The following NCKAP5 variants were observed in gnomAD, a reference collection of about 807,000 sequenced individuals.
The protein encoded by NCKAP5 is NCK associated protein 5.
In NCKAP5, 92 loss-of-function variants were observed where a neutral mutation model predicts 167.0. The observed-to-expected ratio is 0.55, with a 90% CI of 0.47 to 0.66. NCKAP5 has a LOEUF of 0.66. Among genes scored for constraint, NCKAP5 ranks in the 30% least tolerant of loss-of-function variants. NCKAP5 has a pLI of 0.00. For missense variants in NCKAP5, 2,378 were observed against 2,315.0 expected, an observed-to-expected ratio of 1.03 and a Z score of -0.56; for synonymous variants, 891 against 877.4, an observed-to-expected ratio of 1.02 and a Z score of -0.27.
intron 6 of NCKAP5, among the ~76,000 whole-genome samples, chr2:133,013,587 T>C (rs113597613): frequency 0.052 from 7,888 of 152,172 alleles, 620 homozygotes; most frequent in African/African-American, 0.17. Context: ...CAATGACCTC[T>C]TACTGGGTTC....
At chr2:133,449,099 G>C (rs1051313340) in intron 3 of NCKAP5, among the ~76,000 whole-genome samples, 5 of 152,084 alleles carry the variant, frequency 3.3e-5, no homozygotes, top group African/African-American at 1.2e-4. Context: ...TTATCATATT[G>C]TATAAAATAA....
At chr2:133,592,070 A>G in the NCKAP5 span, among the ~76,000 whole-genome samples, 1 of 152,084 alleles carries the variant, frequency 6.6e-6, no homozygotes, top group East Asian at 1.9e-4. Context: ...ACACACACAC[A>G]CACACACACA....
intron 3 of NCKAP5, among the ~76,000 whole-genome samples, chr2:133,382,087 T>C (rs898275352): frequency 1.3e-5 from 2 of 152,236 alleles, no homozygotes; most frequent in Non-Finnish European, 2.9e-5. Flanking sequence ...CCTCGTCTGA[T>C]AGTTGTCTTT....
At chr2:133,171,447 C>T (rs540464018) in intron 5 of NCKAP5, among the ~76,000 whole-genome samples, 59 of 152,218 alleles carry the variant, frequency 3.9e-4, no homozygotes, top group Middle Eastern at 3.4e-3. Context: ...CCATTGGCCT[C>T]CGGTGGTGGT....
At chr2:133,190,397 C>T (rs2085159267) in intron 5 of NCKAP5, among the ~76,000 whole-genome samples, 1 of 152,200 alleles carries the variant, frequency 6.6e-6, no homozygotes, top group Admixed American at 6.5e-5. Context: ...CTACCAATAA[C>T]TTTCTTCACA....
At chr2:133,256,957 C>T (rs2088648243) in intron 4 of NCKAP5, among the ~76,000 whole-genome samples, 1 of 152,170 alleles carries the variant, frequency 6.6e-6, no homozygotes, top group South Asian at 2.1e-4. Flanking sequence ...TCCCTACTTA[C>T]CCTCTACAGA....
At chr2:133,203,746 CA>C (rs1022861577) in intron 5 of NCKAP5, among the ~76,000 whole-genome samples, 3 of 151,982 alleles carry the variant, frequency 2.0e-5, no homozygotes, top group African/African-American at 4.8e-5. Flanking sequence ...GAGTGCTATA[CA>C]AAAAGAATAC....
chr2:132,845,796 T>A (rs1688618774), intron 11 of NCKAP5, among the ~76,000 whole-genome samples: 1 of 152,198 alleles, frequency 6.6e-6, no homozygotes, highest in Admixed American at 6.5e-5. Context: ...TATTTTACAA[T>A]CAGCTTGACA....
chr2:133,335,137 G>A (rs901168192), intron 3 of NCKAP5, among the ~76,000 whole-genome samples: 1 of 152,062 alleles, frequency 6.6e-6, no homozygotes, highest in Non-Finnish European at 1.5e-5. Flanking sequence ...TAGACACGGA[G>A]CAGTAAAATA....
chr2:133,525,273 G>A (rs1479723987), intron 2 of NCKAP5, among the ~76,000 whole-genome samples: 1 of 152,210 alleles, frequency 6.6e-6, no homozygotes, highest in Non-Finnish European at 1.5e-5. Flanking sequence ...TCTGCATGAT[G>A]TTGAAAACTG....
intron 6 of NCKAP5, among the ~76,000 whole-genome samples, chr2:133,097,267 G>A (rs746298564): frequency 3.3e-5 from 5 of 152,110 alleles, no homozygotes; most frequent in Non-Finnish European, 5.9e-5. Context: ...ATCTACTTCT[G>A]GATGCTAAAG....
intron 6 of NCKAP5, among the ~76,000 whole-genome samples, chr2:133,086,303 A>T (rs930464926): frequency 6.6e-6 from 1 of 152,190 alleles, no homozygotes; most frequent in African/African-American, 2.4e-5. Flanking sequence ...TCTGATGCCC[A>T]GCTCTATTCC....
At chr2:132,701,562 C>T (rs949452518) in intron 19 of NCKAP5, among the ~76,000 whole-genome samples, 3 of 152,090 alleles carry the variant, frequency 2.0e-5, no homozygotes, top group South Asian at 4.1e-4. Flanking sequence ...GTCCCTTTTC[C>T]TCTTGTTAAG....
Position 132,716,872 on chromosome 2 carries a change from G to A in NCKAP5, c.5713+8755C>T, listed in dbSNP as rs116812835. Among the ~76,000 whole-genome samples the A allele has an allele frequency of 6.1e-3, 935 of 152,260 alleles. 15 individuals are homozygous for A. Among genetic ancestry groups the A allele is most frequent in the African/African-American group, 0.021 (877 of 41,540 alleles). On this transcript the variant is annotated intron_variant, in intron 19 of 19. Coordinates refer to ENST00000409261, the MANE Select transcript of NCKAP5 (RefSeq NM_207363.3). The stretch of plus-strand genomic sequence containing the variant: ...GTCACATCACAGCCTCCCTTTTCAA[G>A]CCTGTCTGAGGGCACAGTGGGTTCT...
intron 3 of NCKAP5, among the ~76,000 whole-genome samples, chr2:133,349,504 G>A (rs541989603): frequency 4.6e-5 from 7 of 152,286 alleles, no homozygotes; most frequent in South Asian, 4.2e-4. Context: ...TTGACAAAGC[G>A]GAGAAATGAA....
In NCKAP5 at chr2:132,784,662, T is replaced by A; in HGVS notation, c.2149A>T (p.Ile717Phe). The change falls in exon 14 of 20, where the codon ATT (isoleucine) becomes TTT (phenylalanine). Residue 717 changes from isoleucine (I) to phenylalanine (F), a missense_variant. Ile to Phe is a conservative substitution (Grantham distance 21). This residue lies in a region of NCKAP5 where 1,049 missense variants were observed against 1,023.4 expected (regional missense o/e 1.02). Transcript: ENST00000409261. Reference sequence around the variant, plus strand: ...GCAGCTCTTGGCTGTAAACAAGCAATTCCCTGAGGTAAAAGCTCAGTATGT... The same window carrying A: ...GCAGCTCTTGGCTGTAAACAAGCAAATCCCTGAGGTAAAAGCTCAGTATGT... ...AEHTELLPQG[I>F]ACLQPRAAAR... The A allele has an allele frequency of 6.2e-7, 1 of 1,613,948 alleles. No individual in the cohort carries two copies.
intron 10 of NCKAP5, among the ~76,000 whole-genome samples, chr2:132,864,454 G>C (rs1230061420): frequency 5.3e-5 from 8 of 152,136 alleles, no homozygotes; most frequent in African/African-American, 1.7e-4. Context: ...AGACTTAAGA[G>C]ATTACAGCTG....
intron 3 of NCKAP5, among the ~76,000 whole-genome samples, chr2:133,310,109 T>C (rs1681125989): frequency 6.6e-6 from 1 of 152,150 alleles, no homozygotes; most frequent in South Asian, 2.1e-4. Context: ...AGTTCTTCTC[T>C]TAATAAAAAG....
chr2:132,869,075 T>A, intron 9 of NCKAP5, 101 bp from the exon 10 acceptor site: 3 of 747,012 alleles, frequency 4.0e-6, no homozygotes, highest in Non-Finnish European at 6.3e-6. Flanking sequence ...TGTAGCTAAT[T>A]AGCTCCTCAT....
Sources: allele counts gnomAD v4.1 joint callset (sites outside exome capture counted in the v4.1 genomes callset), GRCh38; gene constraint gnomAD v4.1.1; regional missense constraint gnomAD v4.1.1; transcripts MANE v1.5; gene names NCBI Gene and HGNC (gene_info 2026-07-23, HGNC 2026-07-21).